Variants in AMD1 observed in about 807,000 individuals in gnomAD.
AMD1 encodes adenosylmethionine decarboxylase 1, also known as S-adenosylmethionine decarboxylase proenzyme.
In AMD1, 11 loss-of-function variants were observed where a neutral mutation model predicts 40.2. That is an observed-to-expected ratio of 0.27 (90% CI 0.17 to 0.45). The LOEUF (loss-of-function observed/expected upper bound fraction) is 0.45, where lower values mean the gene tolerates loss of function less well. AMD1 is among the 20% of genes least tolerant of loss of function. The pLI, the probability that AMD1 is intolerant of heterozygous loss-of-function variation, is 1.00. For synonymous variants in AMD1, 121 were observed against 130.8 expected (o/e 0.93, Z 0.51); for missense variants, 257 against 410.2 (o/e 0.63, Z 3.23).
the AMD1 span, chr6:110,815,249 G>T: frequency 8.2e-7 from 1 of 1,220,230 alleles, no homozygotes; most frequent in Non-Finnish European, 1.0e-6. Flanking sequence ...TCTCGCGCGC[G>T]CGCGCGCGCC....
chr6:110,814,947 C>T, the AMD1 span: 1 of 1,593,036 alleles, frequency 6.3e-7, no homozygotes, highest in Non-Finnish European at 8.5e-7. Context: ...CCCACCCATC[C>T]CGCCAGGTCG....
the AMD1 span, among the ~76,000 whole-genome samples, chr6:110,860,050 C>T: frequency 6.6e-6 from 1 of 152,158 alleles, no homozygotes; most frequent in Non-Finnish European, 1.5e-5. Context: ...TGGTCTCAAA[C>T]TCCCGGCCTC....
chr6:110,882,779 G>A (rs1785479377), intron 1 of AMD1, among the ~76,000 whole-genome samples: 1 of 152,128 alleles, frequency 6.6e-6, no homozygotes, highest in East Asian at 1.9e-4. Flanking sequence ...ATTAGTTGAG[G>A]AAAGGTTTGA....
At chr6:110,862,487 G>A in the AMD1 span, among the ~76,000 whole-genome samples, 1 of 141,604 alleles carries the variant, frequency 7.1e-6, no homozygotes, top group Non-Finnish European at 1.5e-5. Context: ...TTTTTTTTGA[G>A]ACAGAGTTTT....
chr6:110,869,297 A>AT, the AMD1 span, among the ~76,000 whole-genome samples: 1 of 151,066 alleles, frequency 6.6e-6, no homozygotes, highest in Admixed American at 6.6e-5. Context: ...CGCCCGGCTA[A>AT]TTTTTTTGTA....
the AMD1 span, among the ~76,000 whole-genome samples, chr6:110,830,651 C>T: frequency 6.6e-6 from 1 of 152,324 alleles, no homozygotes; most frequent in African/African-American, 2.4e-5. Flanking sequence ...AGCCCTGTTC[C>T]GCAAGGAGCA....
chr6:110,883,194 T>G (rs913059274), intron 1 of AMD1, among the ~76,000 whole-genome samples: 2 of 152,158 alleles, frequency 1.3e-5, no homozygotes, highest in African/African-American at 4.8e-5. Context: ...AAAATGCAAT[T>G]AATAAACCCT....
intron 2 of AMD1, 105 bp downstream of exon 2, chr6:110,887,696 TTTTG>T: frequency 1.3e-6 from 1 of 797,606 alleles, no homozygotes; most frequent in Non-Finnish European, 1.9e-6. Flanking sequence ...TTTTGTTTTG[TTTTG>T]TTTTTTTGAG....
the AMD1 span, among the ~76,000 whole-genome samples, chr6:110,860,833 C>CCACACACA: frequency 7.8e-5 from 10 of 128,120 alleles, no homozygotes; most frequent in African/African-American, 3.1e-4. Context: ...AAACACCCAC[C>CCACACACA]CACACACACA....
chr6:110,886,680 A>G (rs1004236257), intron 1 of AMD1, among the ~76,000 whole-genome samples: 8 of 152,136 alleles, frequency 5.3e-5, no homozygotes, highest in Admixed American at 2.6e-4. Flanking sequence ...GACTAAGGCA[A>G]GAGAATTGCT....
chr6:110,895,584 A>G lies in AMD1; in HGVS notation c.*1968A>G, dbSNP rs966596882. 1 of 152,662 alleles carries G rather than the reference A, an allele frequency of 6.6e-6. No homozygotes were observed. Among genetic ancestry groups the G allele is most frequent in the African/African-American group, 2.4e-5 (1 of 41,466 alleles). The allele number at this position is 152,662 out of a possible 1,614,324, so 9.5% of individuals were successfully genotyped here. A position where few individuals can be genotyped will look rare whatever the true frequency, so the allele number is the denominator to read the frequency against. On this transcript the variant is annotated 3_prime_UTR_variant, in exon 9 of 9. Coordinates refer to ENST00000368885, the MANE Select transcript of AMD1 (RefSeq NM_001634.6). Reference sequence around the variant, plus strand: ...GAATCATAATCTAAATCATCGTATGATAGAAGAGGGAAAGTTTTGGTGCCA... The same window carrying G: ...GAATCATAATCTAAATCATCGTATGGTAGAAGAGGGAAAGTTTTGGTGCCA...
the AMD1 span, among the ~76,000 whole-genome samples, chr6:110,820,357 C>A: frequency 1.3e-5 from 2 of 151,872 alleles, no homozygotes; most frequent in East Asian, 3.9e-4. Context: ...CTGCCTCAGC[C>A]TCCCAGGTAG....
At chr6:110,890,642 C>A in intron 4 of AMD1, 1 of 209,148 alleles carries the variant, frequency 4.8e-6, no homozygotes. Flanking sequence ...TTTGCCACCC[C>A]ACCTGGCTAA....
chr6:110,820,681 C>T, the AMD1 span, among the ~76,000 whole-genome samples: 680 of 152,184 alleles, frequency 4.5e-3, 6 homozygotes, highest in African/African-American at 0.015. Flanking sequence ...GTGGGCAGAT[C>T]ACTTGAAGTC....
At chr6:110,870,824 A>T (rs901575915), upstream of AMD1, among the ~76,000 whole-genome samples, 2 of 152,122 alleles carry the variant, frequency 1.3e-5, no homozygotes, top group Non-Finnish European at 2.9e-5. Flanking sequence ...TCCCTGAATG[A>T]TCTCATGGAA....
In AMD1 at chr6:110,888,770, A is replaced by G. The variant is rs752350206; in HGVS notation, c.198-87A>G. 1.9e-5 allele frequency: 27 copies of G among 1,397,964 alleles called. No homozygotes were observed. The Admixed American group carries it at 2.1e-4, about 11-fold the overall frequency. 86.6% of individuals were successfully genotyped at this position (1,397,964 alleles called of 1,614,324 possible). A position where few individuals can be genotyped will look rare whatever the true frequency, so the allele number is the denominator to read the frequency against. On this transcript the variant is annotated intron_variant, in intron 2 of 8. Transcript: ENST00000368885. Reference sequence around the variant, plus strand: ...TCCTAATATTTAAAAGTACTAGCCAAAATTGTAAATGATAATTAAATTGGT... The same window carrying G: ...TCCTAATATTTAAAAGTACTAGCCAGAATTGTAAATGATAATTAAATTGGT...
chr6:110,820,964 G>A, the AMD1 span, among the ~76,000 whole-genome samples: 1 of 152,160 alleles, frequency 6.6e-6, no homozygotes, highest in Non-Finnish European at 1.5e-5. Flanking sequence ...CCAGACAACA[G>A]AACATAGTGT....
At chr6:110,855,871 A>G in the AMD1 span, among the ~76,000 whole-genome samples, 1 of 152,128 alleles carries the variant, frequency 6.6e-6, no homozygotes, top group Non-Finnish European at 1.5e-5. Context: ...ACTTGAGTCC[A>G]GGAGTTGGAG....
the AMD1 span, among the ~76,000 whole-genome samples, chr6:110,866,405 G>A: frequency 6.6e-6 from 1 of 152,192 alleles, no homozygotes; most frequent in Non-Finnish European, 1.5e-5. Flanking sequence ...TTTAATGGAA[G>A]AGCAGGCATA....
Sources: gnomAD v4.1 joint callset for allele counts (sites outside exome capture counted in the v4.1 genomes callset) on GRCh38, gnomAD v4.1.1 for gene constraint, MANE v1.5 for transcripts, NCBI Gene and HGNC (gene_info 2026-07-23, HGNC 2026-07-21) for gene names.